ATP9B: variants seen among roughly 807,000 people sequenced by gnomAD.
ATP9B encodes probable phospholipid-transporting ATPase IIB.
In ATP9B, 110 loss-of-function variants were observed where a neutral mutation model predicts 146.1. The ratio of observed to expected loss-of-function variants is 0.75; its 90% CI spans 0.65 to 0.88. The LOEUF (loss-of-function observed/expected upper bound fraction) is 0.88, where lower values mean the gene tolerates loss of function less well. ATP9B is among the 40% of genes least tolerant of loss of function. The probability of loss-of-function intolerance (pLI) is 0.00; values close to 1 mark genes in which losing one functional copy is unlikely to be tolerated. For synonymous variants in ATP9B, 604 were observed against 569.7 expected (o/e 1.06, Z -0.86); for missense variants, 1,499 against 1,496.4 (o/e 1.00, Z -0.03).
At chr18:79,251,856 C>T (rs2096027380) in intron 11 of ATP9B, among the ~76,000 whole-genome samples, 1 of 152,128 alleles carries the variant, frequency 6.6e-6, no homozygotes, top group African/African-American at 2.4e-5. Context: ...TCTTTGTGTA[C>T]TCCTTTTCAA....
At position 79,240,801 on chromosome 18, in the gene ATP9B, A is replaced by G. The variant is rs1341117616; in HGVS notation, c.1108-12580A>G. Among the ~76,000 whole-genome samples, 5 of 152,214 alleles carry G rather than the reference A, an allele frequency of 3.3e-5. No individual in the cohort carries two copies. The South Asian group carries it at 1.0e-3, about 32-fold the overall frequency. On this transcript the variant is annotated intron_variant, in intron 11 of 29. Coordinates refer to ENST00000426216, the MANE Select transcript of ATP9B (RefSeq NM_198531.5). ...AGAGACATCCAATTTTGAGAATAAA[A>G]ATAATGTCACTTCTAAAGCATACTA...
intron 1 of ATP9B, among the ~76,000 whole-genome samples, chr18:79,089,053 T>TA (rs2074091229): frequency 6.6e-6 from 1 of 152,156 alleles, no homozygotes; most frequent in African/African-American, 2.4e-5. Context: ...TTGCATATTT[T>TA]AAAAGTCCTT....
intron 12 of ATP9B, among the ~76,000 whole-genome samples, chr18:79,270,830 A>G (rs1157466986): frequency 6.6e-6 from 1 of 152,196 alleles, no homozygotes; most frequent in Non-Finnish European, 1.5e-5. Flanking sequence ...ATTTGTCCCC[A>G]GAGTTCAGGC....
rs142385669 is a variant in ATP9B, at chr18:79,072,973, C to T, written c.119+3444C>T. ...GACGATGGGCGGCCGGGCAGAGACG[C>T]TCCTCACTTCCTAGACGGGATGACG... On this transcript the variant is annotated intron_variant, in intron 1 of 29. Transcript: ENST00000426216. Among the ~76,000 whole-genome samples, 742 of 152,088 alleles carry T rather than the reference C, an allele frequency of 4.9e-3. 4 individuals carry two copies. The highest frequency in any genetic ancestry group is 0.024 in the South Asian group (118 of 4,818).
At position 79,348,186 on chromosome 18, in the gene ATP9B, C is replaced by G. The variant is rs765265533; in HGVS notation, c.2893C>G (p.Leu965Val). ...FASVPLYQGF[L>V]MVGYATIYTM... Reference sequence around the variant, plus strand: ...ATCCGTCCCTTTGTATCAGGGCTTCCTCATGGTGGGGTAAGTTACACTCAG... The same window carrying G: ...ATCCGTCCCTTTGTATCAGGGCTTCGTCATGGTGGGGTAAGTTACACTCAG... The change falls in exon 25 of 30, where the codon CTC becomes GTC. Residue 965 changes from leucine to valine, a missense_variant. Coordinates refer to ENST00000426216, the MANE Select transcript of ATP9B (RefSeq NM_198531.5). 13 of 1,605,898 alleles carry G rather than the reference C, an allele frequency of 8.1e-6. No individual in the cohort carries two copies. Among genetic ancestry groups the G allele is most frequent in the Non-Finnish European group, 1.0e-5 (12 of 1,176,690 alleles).
At chr18:79,248,028 T>C (rs2095985873) in intron 11 of ATP9B, among the ~76,000 whole-genome samples, 1 of 152,224 alleles carries the variant, frequency 6.6e-6, no homozygotes, top group South Asian at 2.1e-4. Context: ...TAGGGAATTC[T>C]TAAAGCACAG....
At chr18:79,109,696 G>A (rs1384859644) in intron 2 of ATP9B, among the ~76,000 whole-genome samples, 6 of 151,866 alleles carry the variant, frequency 4.0e-5, no homozygotes, top group Non-Finnish European at 5.9e-5. Context: ...CTCCTGAGTA[G>A]CTGGGATTAC....
At chr18:79,266,499 G>A (rs1412455660) in intron 12 of ATP9B, among the ~76,000 whole-genome samples, 1 of 151,950 alleles carries the variant, frequency 6.6e-6, no homozygotes, top group Non-Finnish European at 1.5e-5. Context: ...TTAAAGAAAA[G>A]TGATTATAAT....
chr18:79,159,138 G>C (rs1054287145), intron 7 of ATP9B, among the ~76,000 whole-genome samples: 1 of 151,940 alleles, frequency 6.6e-6, no homozygotes, highest in Non-Finnish European at 1.5e-5. Context: ...TTGTGTCTTT[G>C]AACACGAAGT....
chr18:79,376,087 C>A, intron 29 of ATP9B: 4 of 983,730 alleles, frequency 4.1e-6, no homozygotes, highest in Non-Finnish European at 4.8e-6. Context: ...TAAGAGCAGA[C>A]CGGTCTGAGT....
At chr18:79,207,399 G>A (rs1416951538) in intron 10 of ATP9B, among the ~76,000 whole-genome samples, 1 of 152,242 alleles carries the variant, frequency 6.6e-6, no homozygotes, top group Non-Finnish European at 1.5e-5. Context: ...GGGTTGGCAG[G>A]AGGAGAGTGG....
At chr18:79,189,259 A>C (rs1180788429) in intron 8 of ATP9B, among the ~76,000 whole-genome samples, 4 of 152,114 alleles carry the variant, frequency 2.6e-5, no homozygotes, top group African/African-American at 9.7e-5. Flanking sequence ...AGGCCAGAGA[A>C]TCGCTTGAAC....
chr18:79,170,118 C>A (rs2095047260), intron 7 of ATP9B, among the ~76,000 whole-genome samples: 1 of 152,216 alleles, frequency 6.6e-6, no homozygotes, highest in African/African-American at 2.4e-5. Flanking sequence ...GAGCTCTGTT[C>A]TGGCTGACCT....
At chr18:79,320,014 T>A (rs531045744) in intron 15 of ATP9B, among the ~76,000 whole-genome samples, 1 of 152,370 alleles carries the variant, frequency 6.6e-6, no homozygotes, top group Non-Finnish European at 1.5e-5. Flanking sequence ...AGCAGCCCTG[T>A]GCTCACCAGG....
At chr18:79,167,275 A>T (rs560140687) in intron 7 of ATP9B, among the ~76,000 whole-genome samples, 1 of 152,294 alleles carries the variant, frequency 6.6e-6, no homozygotes, top group Non-Finnish European at 1.5e-5. Flanking sequence ...GGCATCCAGG[A>T]AGAACAAGGT....
chr18:79,155,451 T>C (rs896246242), intron 7 of ATP9B, among the ~76,000 whole-genome samples: 8 of 152,244 alleles, frequency 5.3e-5, no homozygotes, highest in Non-Finnish European at 1.2e-4. Flanking sequence ...TTTCTAGTTA[T>C]GTGACCTTGC....
chr18:79,327,964 G>A (rs75536054), intron 15 of ATP9B, among the ~76,000 whole-genome samples: 1 of 58,286 alleles, frequency 1.7e-5, no homozygotes, highest in African/African-American at 6.5e-5. Context: ...CGTGCTCTCC[G>A]TGGTTAGCGT....
chr18:79,122,104 G>A (rs1311561329), intron 4 of ATP9B, among the ~76,000 whole-genome samples: 1 of 151,968 alleles, frequency 6.6e-6, no homozygotes, highest in Non-Finnish European at 1.5e-5. Flanking sequence ...TTTCAGGTAG[G>A]GTCTGAGCAA....
intron 4 of ATP9B, among the ~76,000 whole-genome samples, chr18:79,121,189 T>A (rs2094182930): frequency 6.6e-6 from 1 of 152,224 alleles, no homozygotes; most frequent in Non-Finnish European, 1.5e-5. Context: ...TTTTTCTCCT[T>A]TTACAAAAAT....
Sources: gnomAD v4.1 joint callset for allele counts (sites outside exome capture counted in the v4.1 genomes callset) on GRCh38, gnomAD v4.1.1 for gene constraint, MANE v1.5 for transcripts, NCBI Gene and HGNC (gene_info 2026-07-23, HGNC 2026-07-21) for gene names.